Variants in CCDC12 observed in about 807,000 individuals in gnomAD.
CCDC12 encodes coiled-coil domain-containing protein 12.
CCDC12 carries 28 observed loss-of-function variants against 25.7 expected under a neutral mutation model. That is an observed-to-expected ratio of 1.09 (90% CI 0.81 to 1.50). CCDC12 has a LOEUF of 1.50. Ranked by LOEUF, CCDC12 falls within the 40% of genes most tolerant of loss-of-function variation. The probability of loss-of-function intolerance (pLI) is 0.00; values close to 1 mark genes in which losing one functional copy is unlikely to be tolerated. For synonymous variants in CCDC12, 75 were observed against 87.7 expected (o/e 0.86, Z 0.81); for missense variants, 198 against 210.0 (o/e 0.94, Z 0.35).
chr3:46,945,371 G>A (rs2033863972), intron 1 of CCDC12, among the ~76,000 whole-genome samples: 1 of 152,176 alleles, frequency 6.6e-6, no homozygotes, highest in Non-Finnish European at 1.5e-5. Context: ...GCCTATTAAT[G>A]GAGGTACTCC....
intron 2 of CCDC12, among the ~76,000 whole-genome samples, chr3:46,938,715 G>C (rs891815099): frequency 6.6e-6 from 1 of 151,750 alleles, no homozygotes; most frequent in Non-Finnish European, 1.5e-5. Context: ...GGGCATAGTG[G>C]TGCGCACCTG....
chr3:46,927,952 G>C (rs1468110710), intron 2 of CCDC12, among the ~76,000 whole-genome samples: 3 of 152,162 alleles, frequency 2.0e-5, no homozygotes, highest in Admixed American at 2.0e-4. Flanking sequence ...CAAGGAGCAT[G>C]GGGGGGTTCA....
intron 2 of CCDC12, among the ~76,000 whole-genome samples, chr3:46,927,346 G>A (rs2033006441): frequency 6.6e-6 from 1 of 152,208 alleles, no homozygotes; most frequent in Admixed American, 6.5e-5. Flanking sequence ...ATGAGGAAGA[G>A]AAACTGGGTG....
intron 2 of CCDC12, among the ~76,000 whole-genome samples, chr3:46,928,714 G>C (rs2033080916): frequency 6.6e-6 from 1 of 152,164 alleles, no homozygotes. Context: ...TTCAGACAAA[G>C]AAAGGTTAGG....
At chr3:46,930,405 C>T (rs2033158673) in intron 2 of CCDC12, among the ~76,000 whole-genome samples, 2 of 152,218 alleles carry the variant, frequency 1.3e-5, no homozygotes, top group African/African-American at 4.8e-5. Context: ...GTCCCCTAGC[C>T]AAAGGGAAGC....
intron 1 of CCDC12, among the ~76,000 whole-genome samples, chr3:46,968,436 G>A (rs1468325248): frequency 4.6e-5 from 7 of 152,176 alleles, no homozygotes; most frequent in African/African-American, 1.4e-4. Flanking sequence ...GGGTAAAGAA[G>A]AAAGGACAGG....
Position 46,922,226 on chromosome 3 carries a change from C to G in CCDC12, c.418+10G>C, listed in dbSNP as rs1300415264. The G allele has an allele frequency of 6.2e-7, 1 of 1,614,172 alleles. No homozygotes were observed. On this transcript the variant is annotated intron_variant, in intron 6 of 6. Coordinates refer to ENST00000683445, the MANE Select transcript of CCDC12 (RefSeq NM_001277074.2). Reference sequence around the variant, plus strand: ...GGGCAGGACCCCACCTTCCCAGGCACTGCACTTACGGATCAGCTCGGCAAT... The same window carrying G: ...GGGCAGGACCCCACCTTCCCAGGCAGTGCACTTACGGATCAGCTCGGCAAT...
chr3:46,974,263 T>C (rs923606363), intron 1 of CCDC12, among the ~76,000 whole-genome samples: 1 of 152,226 alleles, frequency 6.6e-6, no homozygotes, highest in East Asian at 1.9e-4. Flanking sequence ...CATTGAATTA[T>C]ACATTTAAAA....
At chr3:46,969,618 G>GT (rs2034741766) in intron 1 of CCDC12, among the ~76,000 whole-genome samples, 1 of 152,134 alleles carries the variant, frequency 6.6e-6, no homozygotes, top group Non-Finnish European at 1.5e-5. Context: ...ATACACAGAT[G>GT]GCCCCAAATC....
chr3:46,934,685 T>A (rs2033371489), intron 2 of CCDC12, among the ~76,000 whole-genome samples: 1 of 152,164 alleles, frequency 6.6e-6, no homozygotes, highest in African/African-American at 2.4e-5. Context: ...CTTAAACCAG[T>A]TCTCTCTTGA....
intron 2 of CCDC12, among the ~76,000 whole-genome samples, chr3:46,930,352 T>G (rs929317673): frequency 2.6e-5 from 4 of 152,186 alleles, no homozygotes; most frequent in African/African-American, 9.6e-5. Context: ...CACCAGCACC[T>G]CAGCTCTGCT....
At chr3:46,961,755 A>ACTG in intron 1 of CCDC12, among the ~76,000 whole-genome samples, 1 of 152,336 alleles carries the variant, frequency 6.6e-6, no homozygotes, top group East Asian at 1.9e-4. Context: ...AGCAGCTACC[A>ACTG]CTGCTACTAC....
At chr3:46,962,170 T>A (rs4378998) in intron 1 of CCDC12, among the ~76,000 whole-genome samples, 143,760 of 152,096 alleles carry the variant, frequency 0.95, 68,508 homozygotes, top group East Asian at 1. Flanking sequence ...GAGGCGGCTC[T>A]CGTCTGTAAT....
At chr3:46,950,025 CAAAA>C (rs11298672) in intron 1 of CCDC12, among the ~76,000 whole-genome samples, 2 of 108,536 alleles carry the variant, frequency 1.8e-5, no homozygotes, top group Non-Finnish European at 1.8e-5. Context: ...GACTCCATCT[CAAAA>C]AAAAAAAAAA....
chr3:46,946,713 C>T (rs977484427), intron 1 of CCDC12, among the ~76,000 whole-genome samples: 2 of 152,184 alleles, frequency 1.3e-5, no homozygotes, highest in Non-Finnish European at 2.9e-5. Context: ...TGAGATCCTC[C>T]ACTCCCAGCC....
At chr3:46,930,901 T>G (rs903818717) in intron 2 of CCDC12, among the ~76,000 whole-genome samples, 1 of 151,614 alleles carries the variant, frequency 6.6e-6, no homozygotes. Flanking sequence ...CGTGGCCCTG[T>G]GTCGGCTGCA....
intron 2 of CCDC12, among the ~76,000 whole-genome samples, chr3:46,940,165 C>A (rs1303557555): frequency 6.6e-6 from 1 of 152,196 alleles, no homozygotes; most frequent in African/African-American, 2.4e-5. Flanking sequence ...TCACAAAGAT[C>A]AGCAGCACAG....
chr3:46,979,178 C>G (rs1297521576), upstream of CCDC12, among the ~76,000 whole-genome samples: 5 of 152,200 alleles, frequency 3.3e-5, no homozygotes, highest in Non-Finnish European at 5.9e-5. Context: ...GGGAGGGCAC[C>G]GCGGCCCCGA....
At chr3:46,953,227 G>A (rs544032886) in intron 1 of CCDC12, among the ~76,000 whole-genome samples, 19 of 152,286 alleles carry the variant, frequency 1.2e-4, no homozygotes, top group African/African-American at 4.6e-4. Flanking sequence ...TATGCAGTGA[G>A]CCCAACACCG....
Sources: allele counts gnomAD v4.1 joint callset (sites outside exome capture counted in the v4.1 genomes callset), GRCh38; gene constraint gnomAD v4.1.1; transcripts MANE v1.5; gene names NCBI Gene and HGNC (gene_info 2026-07-23, HGNC 2026-07-21).